Variants in SPMIP2 observed in about 807,000 individuals in gnomAD.
The protein encoded by SPMIP2 is protein SPMIP2.
chr4:158,909,227 A>T, the SPMIP2 span: 1 of 152,164 alleles, frequency 6.6e-6, no homozygotes, highest in Non-Finnish European at 1.5e-5. Flanking sequence ...TGCCACTGAG[A>T]GCAACTGTTG....
At chr4:159,017,948 T>G in the SPMIP2 span, among the ~76,000 whole-genome samples, 1 of 152,212 alleles carries the variant, frequency 6.6e-6, no homozygotes, top group Non-Finnish European at 1.5e-5. Flanking sequence ...CTACTGTGGC[T>G]GCTTCAGGAG....
the SPMIP2 span, chr4:159,007,397 C>A: frequency 1.5e-6 from 1 of 673,022 alleles, no homozygotes; most frequent in Admixed American, 1.8e-5. Flanking sequence ...GAGTGGATTT[C>A]TCCCTAGGAA....
At chr4:158,930,534 C>T in the SPMIP2 span, among the ~76,000 whole-genome samples, 4 of 149,678 alleles carry the variant, frequency 2.7e-5, no homozygotes, top group African/African-American at 9.9e-5. Flanking sequence ...GAGATTCTGT[C>T]ACCCAGGAGT....
chr4:158,958,955 T>G, the SPMIP2 span, among the ~76,000 whole-genome samples: 1 of 152,230 alleles, frequency 6.6e-6, no homozygotes, highest in African/African-American at 2.4e-5. Flanking sequence ...CTCTCAGTGT[T>G]TGCAAAGTAA....
the SPMIP2 span, among the ~76,000 whole-genome samples, chr4:159,068,331 T>TA: frequency 6.6e-6 from 1 of 152,072 alleles, no homozygotes; most frequent in Non-Finnish European, 1.5e-5. Context: ...TATGCAGCCG[T>TA]AAAAAATGAT....
the SPMIP2 span, among the ~76,000 whole-genome samples, chr4:158,930,391 T>C: frequency 6.6e-6 from 1 of 152,072 alleles, no homozygotes; most frequent in Non-Finnish European, 1.5e-5. Flanking sequence ...GTATTTCTTA[T>C]AGAGACAGGA....
chr4:158,903,678 A>G, the SPMIP2 span, among the ~76,000 whole-genome samples: 2 of 152,170 alleles, frequency 1.3e-5, no homozygotes, highest in Non-Finnish European at 2.9e-5. Context: ...CTGAAATCAG[A>G]TCTGTATGTA....
chr4:158,922,129 CT>C, the SPMIP2 span, among the ~76,000 whole-genome samples: 1 of 152,264 alleles, frequency 6.6e-6, no homozygotes, highest in South Asian at 2.1e-4. Context: ...ACCTCGTGAT[CT>C]GCCCGCCTCG....
chr4:158,971,785 A>T, the SPMIP2 span, among the ~76,000 whole-genome samples: 3 of 152,230 alleles, frequency 2.0e-5, no homozygotes, highest in East Asian at 5.8e-4. Flanking sequence ...CTGCCTAGAA[A>T]AAATATCCTA....
the SPMIP2 span, among the ~76,000 whole-genome samples, chr4:158,971,717 T>C: frequency 6.6e-6 from 1 of 152,148 alleles, no homozygotes; most frequent in African/African-American, 2.4e-5. Flanking sequence ...GCTTTACTAA[T>C]ATTAACTTAT....
chr4:158,927,606 TGAG>T, the SPMIP2 span, among the ~76,000 whole-genome samples: 2 of 152,202 alleles, frequency 1.3e-5, no homozygotes, highest in Non-Finnish European at 2.9e-5. Flanking sequence ...TGGCGGCACT[TGAG>T]GAGCCCTTCA....
the SPMIP2 span, among the ~76,000 whole-genome samples, chr4:158,999,870 A>T: frequency 6.6e-6 from 1 of 152,214 alleles, no homozygotes; most frequent in Non-Finnish European, 1.5e-5. Flanking sequence ...ATCTCTGTAA[A>T]TAAACATTTT....
the SPMIP2 span, among the ~76,000 whole-genome samples, chr4:159,052,632 T>TATTTTA: frequency 2.7e-5 from 4 of 149,238 alleles, no homozygotes; most frequent in Non-Finnish European, 6.0e-5. Context: ...TTATTATTAT[T>TATTTTA]TTATTATTAT....
chr4:158,999,891 C>A, the SPMIP2 span, among the ~76,000 whole-genome samples: 2 of 151,944 alleles, frequency 1.3e-5, no homozygotes, highest in African/African-American at 4.8e-5. Flanking sequence ...TTTTTAAGAA[C>A]CTACTTGGTA....
chr4:159,007,080 G>A, the SPMIP2 span: 56 of 559,034 alleles, frequency 1.0e-4, no homozygotes, highest in South Asian at 3.4e-4. Context: ...TGAAGCATAC[G>A]GTAATTAGGA....
the SPMIP2 span, among the ~76,000 whole-genome samples, chr4:158,930,545 G>A: frequency 6.6e-6 from 1 of 150,658 alleles, no homozygotes; most frequent in Non-Finnish European, 1.5e-5. Context: ...ACCCAGGAGT[G>A]TAGTGGTGGG....
At chr4:159,059,898 A>C in the SPMIP2 span, among the ~76,000 whole-genome samples, 16 of 152,114 alleles carry the variant, frequency 1.1e-4, no homozygotes, top group Admixed American at 1.0e-3. Context: ...TGACCTCACG[A>C]TTCTTTGGGG....
chr4:158,981,835 A>T, the SPMIP2 span, among the ~76,000 whole-genome samples: 31,627 of 123,826 alleles, frequency 0.26, 4,776 homozygotes, highest in Middle Eastern at 0.36. Flanking sequence ...AAAAAAAAAG[A>T]GCTAGCATAA....
At chr4:159,011,476 C>G in the SPMIP2 span, among the ~76,000 whole-genome samples, 1 of 152,132 alleles carries the variant, frequency 6.6e-6, no homozygotes, top group African/African-American at 2.4e-5. Flanking sequence ...TCTGGCTGGA[C>G]GCGGTGGCTC....
Sources: allele counts gnomAD v4.1 joint callset (sites outside exome capture counted in the v4.1 genomes callset), GRCh38; gene constraint gnomAD v4.1.1; transcripts MANE v1.5; gene names NCBI Gene and HGNC (gene_info 2026-07-23, HGNC 2026-07-21).